Variants in VPS13B observed in about 807,000 individuals in gnomAD.
VPS13B encodes the protein vacuolar protein sorting 13 homolog B.
VPS13B carries 285 observed loss-of-function variants against 426.4 expected under a neutral mutation model. The observed-to-expected ratio is 0.67, with a 90% CI of 0.61 to 0.74. The LOEUF (loss-of-function observed/expected upper bound fraction) is 0.74. Ranked by LOEUF, VPS13B falls within the 30% of genes least tolerant of loss-of-function variation. The pLI, the probability that VPS13B is intolerant of heterozygous loss-of-function variation, is 0.00. For missense variants in VPS13B, 4,537 were observed against 4,782.6 expected, an observed-to-expected ratio of 0.95 and a Z score of 1.51; for synonymous variants, 1,676 against 1,676.4, an observed-to-expected ratio of 1.00 and a Z score of 0.01.
At chr8:99,375,496 T>C (rs3105191) in intron 19 of VPS13B, among the ~76,000 whole-genome samples, 26,457 of 152,138 alleles carry the variant, frequency 0.17, 2,823 homozygotes, top group East Asian at 0.38. Flanking sequence ...ATGTATGTAT[T>C]GTACCATACA....
chr8:99,351,429 AGAGAGAGTGTGTGTGTGT>A (rs1811879792), intron 19 of VPS13B, among the ~76,000 whole-genome samples: 9 of 145,396 alleles, frequency 6.2e-5, no homozygotes, highest in African/African-American at 2.5e-4. Context: ...AGAGAGAGAG[AGAGAGAGTGTGTGTGTGT>A]GTGTGTGTGT....
At chr8:99,874,436 G>C (rs1052073341) in intron 61 of VPS13B, among the ~76,000 whole-genome samples, 1 of 151,986 alleles carries the variant, frequency 6.6e-6, no homozygotes, top group African/African-American at 2.4e-5. Context: ...CTCTGCCATC[G>C]CACGGACTTT....
intron 17 of VPS13B, among the ~76,000 whole-genome samples, chr8:99,268,911 TG>T (rs1346412169): frequency 6.6e-6 from 1 of 152,140 alleles, no homozygotes; most frequent in Non-Finnish European, 1.5e-5. Flanking sequence ...GGGAGGTAGT[TG>T]GATCATGGAG....
intron 25 of VPS13B, among the ~76,000 whole-genome samples, chr8:99,492,750 C>A (rs1820681996): frequency 1.3e-5 from 2 of 152,152 alleles, no homozygotes; most frequent in Admixed American, 6.5e-5. Flanking sequence ...CGAGAGTGTA[C>A]CGTTCCTCCA....
chr8:99,492,816 C>A (rs757173070), intron 25 of VPS13B, among the ~76,000 whole-genome samples: 1 of 152,250 alleles, frequency 6.6e-6, no homozygotes, highest in South Asian at 2.1e-4. Flanking sequence ...CAACCCCTTG[C>A]GCTTACCAGG....
intron 8 of VPS13B, among the ~76,000 whole-genome samples, chr8:99,124,166 TA>T (rs1848077732): frequency 6.6e-6 from 1 of 152,162 alleles, no homozygotes; most frequent in Non-Finnish European, 1.5e-5. Flanking sequence ...GTAAGTACCA[TA>T]AAGGTTTTAA....
Position 99,233,373 on chromosome 8 carries a change from G to A in VPS13B, c.2515+40316G>A, listed in dbSNP as rs1359930739. The A allele has an allele frequency of 1.6e-5, 17 of 1,068,154 alleles. No individual in the cohort carries two copies. In the Admixed American group the frequency reaches 2.9e-4, roughly 18 times the overall value. 66.2% of individuals were successfully genotyped at this position (1,068,154 alleles called of 1,614,324 possible). A position where few individuals can be genotyped will look rare whatever the true frequency, so the allele number is the denominator to read the frequency against. ...AGTTTTCTTCTTTTAGTTTCCCGAA[G>A]ATCCGTCCCTGGGCCTTGATGGAGG... On this transcript the variant is annotated intron_variant, in intron 17 of 61. Transcript: ENST00000357162.
chr8:99,409,792 G>A (rs867621327), intron 21 of VPS13B, among the ~76,000 whole-genome samples: 7 of 152,092 alleles, frequency 4.6e-5, no homozygotes, highest in Middle Eastern at 3.2e-3. Flanking sequence ...CTTGTATCAG[G>A]AATCAAATAA....
chr8:99,336,095 G>A (rs1479461454), intron 19 of VPS13B, among the ~76,000 whole-genome samples: 1 of 152,108 alleles, frequency 6.6e-6, no homozygotes, highest in Non-Finnish European at 1.5e-5. Flanking sequence ...GAGGCATCAT[G>A]CTACCTGACT....
chr8:99,854,617 CTT>C (rs201074788), intron 56 of VPS13B, among the ~76,000 whole-genome samples: 2 of 152,034 alleles, frequency 1.3e-5, no homozygotes, highest in African/African-American at 2.4e-5. Context: ...TTAGCACACA[CTT>C]TTTTTTAGCA....
intron 8 of VPS13B, among the ~76,000 whole-genome samples, chr8:99,131,259 T>C (rs146406435): frequency 6.6e-6 from 1 of 152,358 alleles, no homozygotes; most frequent in Non-Finnish European, 1.5e-5. Context: ...GAAGGCTTCA[T>C]TGATGCATTA....
intron 19 of VPS13B, 97 bp downstream of exon 19, chr8:99,275,351 G>GTTTTTTTTTTT: frequency 8.1e-7 from 1 of 1,233,236 alleles, no homozygotes; most frequent in Non-Finnish European, 1.1e-6. Context: ...TTTTTTTTAG[G>GTTTTTTTTTTT]TATTTTTGTC....
At chr8:99,785,564 A>G (rs1333213721) in intron 43 of VPS13B, among the ~76,000 whole-genome samples, 1 of 152,114 alleles carries the variant, frequency 6.6e-6, no homozygotes, top group African/African-American at 2.4e-5. Flanking sequence ...TATTGCATTC[A>G]TATTTTTAGG....
At chr8:99,821,113 C>T (rs1327984066) in intron 49 of VPS13B, among the ~76,000 whole-genome samples, 181 bp from the exon 50 acceptor site, 25 of 107,344 alleles carry the variant, frequency 2.3e-4, no homozygotes, top group Admixed American at 9.1e-5. Context: ...AACACACACA[C>T]ACACACACAC....
chr8:99,456,206 T>C (rs1818450241), intron 23 of VPS13B, among the ~76,000 whole-genome samples: 1 of 152,168 alleles, frequency 6.6e-6, no homozygotes, highest in African/African-American at 2.4e-5. Context: ...TCTCACTCTG[T>C]CTCCCAGACT....
intron 3 of VPS13B, among the ~76,000 whole-genome samples, chr8:99,048,449 T>C (rs573351536): frequency 6.6e-6 from 1 of 152,204 alleles, no homozygotes; most frequent in Non-Finnish European, 1.5e-5. Flanking sequence ...CAGTGGAGTA[T>C]TGAAGTCCCC....
At chr8:99,477,982 G>A (rs1421814378) in intron 24 of VPS13B, among the ~76,000 whole-genome samples, 1 of 151,812 alleles carries the variant, frequency 6.6e-6, no homozygotes, top group East Asian at 1.9e-4. Flanking sequence ...AGTTAAATGA[G>A]CCTGTCCTGT....
intron 35 of VPS13B, among the ~76,000 whole-genome samples, chr8:99,682,071 T>A (rs923438000): frequency 6.6e-6 from 1 of 152,242 alleles, no homozygotes; most frequent in African/African-American, 2.4e-5. Context: ...GCCTGCAGCA[T>A]TTTTATGCTG....
chr8:99,294,687 A>T (rs1477348202), intron 19 of VPS13B, among the ~76,000 whole-genome samples: 2 of 152,178 alleles, frequency 1.3e-5, no homozygotes, highest in Non-Finnish European at 2.9e-5. Context: ...TCTGGATCTT[A>T]ATCTTGGTGT....
Sources: allele counts gnomAD v4.1 joint callset (sites outside exome capture counted in the v4.1 genomes callset), GRCh38; gene constraint gnomAD v4.1.1; transcripts MANE v1.5; gene names NCBI Gene and HGNC (gene_info 2026-07-23, HGNC 2026-07-21).